Variants in NEDD4L observed in about 807,000 individuals in gnomAD.
The protein encoded by NEDD4L is NEDD4 like E3 ubiquitin protein ligase.
A neutral mutation model predicts 148.9 loss-of-function variants in NEDD4L; 54 were observed. The ratio of observed to expected loss-of-function variants is 0.36; its 90% CI spans 0.29 to 0.45. The LOEUF is 0.45. Ranked by LOEUF, NEDD4L falls within the 20% of genes least tolerant of loss-of-function variation. The pLI, the probability that NEDD4L is intolerant of heterozygous loss-of-function variation, is 1.00. For synonymous variants in NEDD4L, 433 were observed against 440.7 expected, an observed-to-expected ratio of 0.98 and a Z score of 0.22; for missense variants, 856 against 1,233.8, an observed-to-expected ratio of 0.69 and a Z score of 4.59.
At chr18:58,116,851 A>C (rs2085875881) in intron 1 of NEDD4L, among the ~76,000 whole-genome samples, 1 of 152,248 alleles carries the variant, frequency 6.6e-6, no homozygotes, top group African/African-American at 2.4e-5. Context: ...CTCCTTGTGA[A>C]GGATACAATA....
intron 1 of NEDD4L, among the ~76,000 whole-genome samples, chr18:58,093,215 G>C (rs1452453728): frequency 6.6e-6 from 1 of 152,116 alleles, no homozygotes; most frequent in Non-Finnish European, 1.5e-5. Context: ...GAGCTCTTGG[G>C]AGCATGGATT....
chr18:58,105,357 A>G (rs1218128297), intron 1 of NEDD4L, among the ~76,000 whole-genome samples: 4 of 152,172 alleles, frequency 2.6e-5, no homozygotes, highest in African/African-American at 4.8e-5. Flanking sequence ...CCGTGCTTGC[A>G]TGACAGTTGG....
At chr18:58,164,437 A>T (rs757818263) in intron 1 of NEDD4L, among the ~76,000 whole-genome samples, 14 of 152,222 alleles carry the variant, frequency 9.2e-5, no homozygotes, top group Non-Finnish European at 1.8e-4. Flanking sequence ...CAAGTGACTA[A>T]TGGAGGCTTA....
At chr18:58,363,789 A>G (rs1358281335) in intron 19 of NEDD4L, among the ~76,000 whole-genome samples, 1 of 152,220 alleles carries the variant, frequency 6.6e-6, no homozygotes, top group African/African-American at 2.4e-5. Flanking sequence ...ATTCCTTGAT[A>G]GGAGTGTCAG....
intron 1 of NEDD4L, among the ~76,000 whole-genome samples, chr18:58,158,027 T>C (rs1275955608): frequency 1.3e-5 from 2 of 152,232 alleles, no homozygotes; most frequent in African/African-American, 4.8e-5. Context: ...TTCTGACATG[T>C]GCCTTTCCAC....
At chr18:58,340,934 A>T in intron 13 of NEDD4L, 104 bp from the exon 14 acceptor site, 2 of 1,198,194 alleles carry the variant, frequency 1.7e-6, no homozygotes, top group Non-Finnish European at 2.3e-6. Context: ...AGATCTAATT[A>T]ACTTTGTCTA....
intron 1 of NEDD4L, among the ~76,000 whole-genome samples, chr18:58,083,905 A>G (rs62096162): frequency 0.37 from 55,726 of 151,940 alleles, 11,758 homozygotes; most frequent in African/African-American, 0.59. Context: ...TAATTTTTGT[A>G]TTCTTAGTAG....
chr18:58,112,307 T>C (rs1232285181), intron 1 of NEDD4L, among the ~76,000 whole-genome samples: 2 of 152,118 alleles, frequency 1.3e-5, no homozygotes, highest in Non-Finnish European at 2.9e-5. Flanking sequence ...GACCAAAAAT[T>C]ACATCCTATC....
chr18:58,342,302 TTG>T (rs1221806730), intron 15 of NEDD4L, among the ~76,000 whole-genome samples: 2 of 152,314 alleles, frequency 1.3e-5, no homozygotes, highest in Non-Finnish European at 2.9e-5. Flanking sequence ...CGTGTTTGTG[TTG>T]TTTTGGTGCC....
At chr18:58,391,272 T>G (rs939639845) in intron 29 of NEDD4L, among the ~76,000 whole-genome samples, 4 of 152,220 alleles carry the variant, frequency 2.6e-5, no homozygotes, top group Non-Finnish European at 5.9e-5. Flanking sequence ...TTGGTGCAGT[T>G]CCATTCTGGA....
chr18:58,270,683 A>G (rs2050909843), intron 5 of NEDD4L, among the ~76,000 whole-genome samples: 3 of 152,124 alleles, frequency 2.0e-5, no homozygotes, highest in Admixed American at 2.0e-4. Context: ...TTAGACCGCC[A>G]TGATCTTGAG....
In NEDD4L at chr18:58,390,672, G is replaced by A; in HGVS notation, c.2682G>A (p.Lys894=). ...WKAVLLMDAE[K]RIRLLQFVTG... ...CTGTGCTACTCATGGACGCCGAAAA[G>A]CGTATCCGGTTACTGCAGTTTGTCA... Residue 894 remains lysine (K), a synonymous_variant, in exon 29 of 31, where the codon AAG becomes AAA. Coordinates refer to ENST00000400345, the MANE Select transcript of NEDD4L (RefSeq NM_001144967.3). 6.3e-7 allele frequency: 1 copy of A among 1,594,816 alleles called. No homozygotes were observed. Among genetic ancestry groups the A allele is most frequent in the Non-Finnish European group, 8.5e-7 (1 of 1,169,698 alleles).
intron 18 of NEDD4L, among the ~76,000 whole-genome samples, chr18:58,355,971 G>A (rs984495529): frequency 7.9e-5 from 12 of 151,966 alleles, no homozygotes; most frequent in South Asian, 2.1e-4. Context: ...GCACTCCCCC[G>A]CCCCGGTCCC....
intron 2 of NEDD4L, among the ~76,000 whole-genome samples, chr18:58,173,339 C>T (rs546135936): frequency 5.3e-5 from 8 of 152,196 alleles, no homozygotes; most frequent in Non-Finnish European, 1.2e-4. Flanking sequence ...GAATCTCATG[C>T]TTTCATAAAG....
intron 2 of NEDD4L, among the ~76,000 whole-genome samples, chr18:58,227,613 C>G (rs939882101): frequency 2.6e-5 from 4 of 152,168 alleles, no homozygotes; most frequent in Non-Finnish European, 5.9e-5. Flanking sequence ...AGAAAGAGGT[C>G]TGTCCACAAG....
chr18:58,280,476 G>A (rs567677776), intron 5 of NEDD4L, among the ~76,000 whole-genome samples: 2 of 152,184 alleles, frequency 1.3e-5, no homozygotes, highest in Non-Finnish European at 2.9e-5. Context: ...GGAGCAGACC[G>A]GGCGAGGCTG....
rs2044523670 is a variant in NEDD4L at position 58,227,602 on chromosome 18, T to C, written c.123-17825T>C. 2.0e-5 allele frequency among the ~76,000 whole-genome samples: 3 copies of C among 152,320 alleles called. No homozygotes were observed. In the South Asian group the frequency reaches 6.2e-4, roughly 32 times the overall value. On this transcript the variant is annotated intron_variant, in intron 2 of 30. Coordinates refer to ENST00000400345, the MANE Select transcript of NEDD4L (RefSeq NM_001144967.3). ...GAGTCTGCTTTCCTTGCTTCTCTTC[T>C]AGAAAGAGGTCTGTCCACAAGGGAT...
intron 2 of NEDD4L, among the ~76,000 whole-genome samples, chr18:58,237,115 A>T (rs1260443108): frequency 6.6e-6 from 1 of 152,120 alleles, no homozygotes; most frequent in Non-Finnish European, 1.5e-5. Flanking sequence ...CCTTTCACAA[A>T]GGCAAAATCT....
intron 25 of NEDD4L, 37 bp from the exon 26 acceptor site, chr18:58,385,489 T>C (rs1438019303): frequency 6.5e-7 from 1 of 1,539,870 alleles, no homozygotes; most frequent in Non-Finnish European, 9.0e-7. Context: ...CTAGTGATGA[T>C]GGAGGTGGTT....
Sources: allele counts gnomAD v4.1 joint callset (sites outside exome capture counted in the v4.1 genomes callset), GRCh38; gene constraint gnomAD v4.1.1; transcripts MANE v1.5; gene names NCBI Gene and HGNC (gene_info 2026-07-23, HGNC 2026-07-21).